The following CLEC2A variants were observed in gnomAD, a reference collection of about 807,000 sequenced individuals.
The protein encoded by CLEC2A is keratinocyte-associated C-type lectin.
CLEC2A carries 19 observed loss-of-function variants against 18.6 expected under a neutral mutation model. That is an observed-to-expected ratio of 1.02 (90% CI 0.71 to 1.50). The LOEUF (loss-of-function observed/expected upper bound fraction) is 1.50. Ranked by LOEUF, CLEC2A falls within the 40% of genes most tolerant of loss-of-function variation. CLEC2A has a pLI of 0.00. For synonymous variants in CLEC2A, 74 were observed against 64.0 expected, an observed-to-expected ratio of 1.16 and a Z score of -0.75; for missense variants, 190 against 207.9, an observed-to-expected ratio of 0.91 and a Z score of 0.53.
intron 1 of CLEC2A, 21 bp from the exon 2 acceptor site, chr12:9,926,364 T>C: frequency 2.1e-6 from 3 of 1,444,024 alleles, no homozygotes; most frequent in Non-Finnish European, 2.9e-6. Flanking sequence ...AATCAACACA[T>C]ATTTTACAAT....
chr12:9,901,944 C>G (rs915403929), intron 4 of CLEC2A, among the ~76,000 whole-genome samples: 1 of 152,150 alleles, frequency 6.6e-6, no homozygotes, highest in African/African-American at 2.4e-5. Flanking sequence ...AATATGTTCA[C>G]AAAGAGAACC....
At chr12:9,895,673 G>T, downstream of CLEC2A, 1 of 1,504,546 alleles carries the variant, frequency 6.6e-7, no homozygotes, top group African/African-American at 1.4e-5. Flanking sequence ...TGAAAAATCT[G>T]TCCTTTGTCT....
chr12:9,906,911 G>A (rs1444119221), intron 4 of CLEC2A, among the ~76,000 whole-genome samples: 2 of 152,146 alleles, frequency 1.3e-5, no homozygotes, highest in African/African-American at 2.4e-5. Flanking sequence ...GTTATCAGTG[G>A]TTAGTGTTAA....
At chr12:9,922,341 G>A (rs1348685481) in intron 2 of CLEC2A, 109 bp from the exon 3 acceptor site, 2 of 783,712 alleles carry the variant, frequency 2.6e-6, no homozygotes, top group Admixed American at 3.7e-5. Context: ...AGGCCCGTAA[G>A]TTAGCTTCCC....
chr12:9,914,437 G>A (rs1040667551), intron 4 of CLEC2A, among the ~76,000 whole-genome samples: 1 of 152,214 alleles, frequency 6.6e-6, no homozygotes, highest in East Asian at 1.9e-4. Flanking sequence ...CAAAGCTGGA[G>A]GCATCATGCT....
intron 4 of CLEC2A, among the ~76,000 whole-genome samples, chr12:9,916,348 G>A (rs953887123): frequency 2.6e-5 from 4 of 151,956 alleles, no homozygotes; most frequent in African/African-American, 4.8e-5. Context: ...ACTTTACTTG[G>A]AAAGAAGTAC....
chr12:9,931,141 C>T (rs932882822), intron 1 of CLEC2A, among the ~76,000 whole-genome samples: 4 of 152,002 alleles, frequency 2.6e-5, no homozygotes, highest in African/African-American at 4.8e-5. Context: ...TTTGTCTTCT[C>T]GTTATGCAAT....
chr12:9,895,695 A>G (rs758464013), downstream of CLEC2A: 7 of 1,529,406 alleles, frequency 4.6e-6, no homozygotes, highest in South Asian at 7.3e-5. Flanking sequence ...TTAGGTTTTC[A>G]GTGATTGGAC....
chr12:9,877,809 CAT>C, the CLEC2A span, among the ~76,000 whole-genome samples: 1 of 152,206 alleles, frequency 6.6e-6, no homozygotes, highest in Admixed American at 6.5e-5. Context: ...TGTAGCATAA[CAT>C]ATATTCAAAA....
the CLEC2A span, among the ~76,000 whole-genome samples, chr12:9,879,755 G>A: frequency 1.3e-5 from 2 of 152,172 alleles, no homozygotes; most frequent in Non-Finnish European, 2.9e-5. Flanking sequence ...TAAGACATAT[G>A]TTCACCACCA....
At chr12:9,880,366 C>G in the CLEC2A span, among the ~76,000 whole-genome samples, 1 of 152,166 alleles carries the variant, frequency 6.6e-6, no homozygotes, top group Admixed American at 6.5e-5. Flanking sequence ...CATGTAAATA[C>G]TCACAAGTGA....
chr12:9,893,270 C>A, the CLEC2A span: 3 of 1,086,946 alleles, frequency 2.8e-6, no homozygotes, highest in Admixed American at 2.5e-5. Flanking sequence ...TGCTTCTGAA[C>A]ATGTGTTAGC....
chr12:9,925,084 T>A (rs996140168), intron 2 of CLEC2A, among the ~76,000 whole-genome samples: 2 of 152,228 alleles, frequency 1.3e-5, no homozygotes, highest in African/African-American at 4.8e-5. Flanking sequence ...CATAATTTAT[T>A]ACCCTTTGTT....
intron 3 of CLEC2A, among the ~76,000 whole-genome samples, chr12:9,920,937 T>G (rs1223208849): frequency 6.6e-6 from 1 of 152,216 alleles, no homozygotes; most frequent in African/African-American, 2.4e-5. Flanking sequence ...AAAAATCTAC[T>G]TAATAATCTA....
At chr12:9,915,335 A>T (rs1265085000) in intron 4 of CLEC2A, among the ~76,000 whole-genome samples, 2 of 152,120 alleles carry the variant, frequency 1.3e-5, no homozygotes, top group African/African-American at 4.8e-5. Context: ...CATTTAACCC[A>T]GCAATCCCAT....
chr12:9,929,706 T>C (rs1260456900), intron 1 of CLEC2A, among the ~76,000 whole-genome samples: 1 of 152,196 alleles, frequency 6.6e-6, no homozygotes, highest in Non-Finnish European at 1.5e-5. Context: ...GATGAGTCTG[T>C]TTCTTTTTGT....
the CLEC2A span, among the ~76,000 whole-genome samples, chr12:9,891,274 TAA>T: frequency 6.6e-6 from 1 of 152,348 alleles, no homozygotes; most frequent in African/African-American, 2.4e-5. Flanking sequence ...GCAGTTGATA[TAA>T]AGAGTTGCTC....
chr12:9,917,366 C>T (rs1293152475), intron 3 of CLEC2A, among the ~76,000 whole-genome samples: 1 of 152,152 alleles, frequency 6.6e-6, no homozygotes, highest in Non-Finnish European at 1.5e-5. Flanking sequence ...TCTGCCATCA[C>T]ATAGTTCTGG....
chr12:9,909,198 G>T (rs1862946194), downstream of CLEC2A, among the ~76,000 whole-genome samples: 1 of 152,106 alleles, frequency 6.6e-6, no homozygotes, highest in South Asian at 2.1e-4. Context: ...TTCCCCTGTT[G>T]TGTGCTGAGT....
Sources: gnomAD v4.1 joint callset for allele counts (sites outside exome capture counted in the v4.1 genomes callset) on GRCh38, gnomAD v4.1.1 for gene constraint, MANE v1.5 for transcripts, NCBI Gene and HGNC (gene_info 2026-07-23, HGNC 2026-07-21) for gene names.